The following RAB20 variants were observed in gnomAD, a reference collection of about 807,000 sequenced individuals.
The protein encoded by RAB20 is RAB20, member RAS oncogene family, also known as ras-related protein Rab-20.
A neutral mutation model predicts 3.7 loss-of-function variants in RAB20; 2 were observed. That is an observed-to-expected ratio of 0.54 (90% CI 0.22 to 1.69). The LOEUF is 1.69. RAB20 is among the 40% of genes most tolerant of loss of function. The pLI is 0.19. For missense variants in RAB20, 276 were observed against 311.9 expected (o/e 0.88, Z 0.87); for synonymous variants, 126 against 130.8 (o/e 0.96, Z 0.25).
At chr13:110,531,520 C>T (rs752962744) in intron 1 of RAB20, among the ~76,000 whole-genome samples, 6 of 152,242 alleles carry the variant, frequency 3.9e-5, no homozygotes, top group South Asian at 2.1e-4. Flanking sequence ...ACATGCGGTA[C>T]CTCAGTTTCC....
At chr13:110,527,900 T>TAAACACACACACAC (rs1398743171) in intron 1 of RAB20, among the ~76,000 whole-genome samples, 2 of 138,124 alleles carry the variant, frequency 1.4e-5, no homozygotes, top group African/African-American at 5.5e-5. Flanking sequence ...TCTCTACAAA[T>TAAACACACACACAC]ACACACACAC....
At position 110,524,149 on chromosome 13, in the gene RAB20, G is replaced by T. The variant is rs757028555; in HGVS notation, c.221C>A (p.Ala74Asp). 5.6e-6 allele frequency: 9 copies of T among 1,606,690 alleles called. No individual in the cohort carries two copies. Among genetic ancestry groups the T allele is most frequent in the Non-Finnish European group, 7.6e-6 (9 of 1,179,684 alleles). Residue 74 changes from alanine (A) to aspartate (D), a missense_variant, in exon 2 of 2, where the codon GCC becomes GAC. Ala to Asp is a moderately radical substitution (Grantham distance 126). Transcript: ENST00000267328. ...GLGSMYCRGA[A>D]AIILTYDVNH... ...CACATCATAGGTGAGGATGATGGCGGCCGCCCCCCGGCAGTACATGGAGCC... is the reference window on the plus strand; with the variant it reads ...CACATCATAGGTGAGGATGATGGCGTCCGCCCCCCGGCAGTACATGGAGCC...
intron 1 of RAB20, among the ~76,000 whole-genome samples, chr13:110,532,399 CAG>C (rs560339176): frequency 6.1e-4 from 93 of 152,290 alleles, no homozygotes; most frequent in African/African-American, 2.2e-3. Context: ...TTTCTTGAGA[CAG>C]AGTCTTGCTC....
At position 110,533,424 on chromosome 13, in the gene RAB20, T is replaced by G. The variant is rs575289103; in HGVS notation, c.173-9227A>C. Among the ~76,000 whole-genome samples the G allele has an allele frequency of 1.4e-4, 21 of 152,336 alleles. No homozygotes were observed. In the South Asian group the frequency reaches 4.1e-3, roughly 30 times the overall value. ...GAGGCCAGGCACAGTGGTTCATACC[T>G]GTAATCCTAGCACTTCAGAAGGCTG... is the stretch of plus-strand genomic sequence containing the variant. On this transcript the variant is annotated intron_variant, in intron 1 of 1. Transcript: ENST00000267328.
In RAB20 at chr13:110,523,811, C is replaced by T. The variant is rs1296443692; in HGVS notation, c.559G>A (p.Gly187Ser). Residue 187 changes from glycine (G) to serine (S), a missense_variant, in exon 2 of 2, where the codon GGC becomes AGC. Gly to Ser is a moderately conservative substitution (Grantham distance 56). Transcript: ENST00000267328. ...TCAAACAGGAGGTCCACATTGTAGC[C>T]GGTCTTGGCGCTGGTCTCAAAGCAC... The part of the protein sequence containing the change: ...QMCFETSAKT[G>S]YNVDLLFETL... The T allele has an allele frequency of 4.3e-6, 7 of 1,614,088 alleles. No homozygotes were observed. Among genetic ancestry groups the T allele is most frequent in the Admixed American group, 3.3e-5 (2 of 60,010 alleles).
At chr13:110,527,900 TACACACACACACACACACACAC>T (rs61582404) in intron 1 of RAB20, among the ~76,000 whole-genome samples, 5 of 138,124 alleles carry the variant, frequency 3.6e-5, no homozygotes, top group African/African-American at 1.4e-4. Context: ...TCTCTACAAA[TACACACACACACACACACACAC>T]ACACACACAC....
chr13:110,551,464 T>C (rs1884949038), intron 1 of RAB20, among the ~76,000 whole-genome samples: 1 of 152,044 alleles, frequency 6.6e-6, no homozygotes, highest in Non-Finnish European at 1.5e-5. Context: ...AGTGATAAGC[T>C]GGGGAGTGCT....
At chr13:110,541,047 C>A (rs1433310150) in intron 1 of RAB20, among the ~76,000 whole-genome samples, 1 of 152,214 alleles carries the variant, frequency 6.6e-6, no homozygotes, top group Non-Finnish European at 1.5e-5. Flanking sequence ...CTGCTGCCAG[C>A]CCGAGGACCT....
chr13:110,529,769 G>A (rs34219917), intron 1 of RAB20, among the ~76,000 whole-genome samples: 57,194 of 151,842 alleles, frequency 0.38, 11,389 homozygotes, highest in Non-Finnish European at 0.41. Context: ...AGACTCTCCC[G>A]CCTTTTTGCC....
intron 1 of RAB20, among the ~76,000 whole-genome samples, chr13:110,557,235 G>A (rs942346338): frequency 6.6e-6 from 1 of 152,204 alleles, no homozygotes; most frequent in Non-Finnish European, 1.5e-5. Context: ...CAGCTGTGAG[G>A]GAAGCATCAC....
At chr13:110,557,898 G>T (rs1594140975) in intron 1 of RAB20, among the ~76,000 whole-genome samples, 1 of 152,380 alleles carries the variant, frequency 6.6e-6, no homozygotes, top group African/African-American at 2.4e-5. Flanking sequence ...GGTCTGTGCT[G>T]GGCACACCAG....
At chr13:110,549,871 G>A (rs1016776191) in intron 1 of RAB20, among the ~76,000 whole-genome samples, 9 of 152,074 alleles carry the variant, frequency 5.9e-5, no homozygotes, top group African/African-American at 1.4e-4. Flanking sequence ...CTACAGGCAC[G>A]CGCCACCAAG....
At chr13:110,547,937 A>G (rs9555717) in intron 1 of RAB20, among the ~76,000 whole-genome samples, 123,671 of 152,170 alleles carry the variant, frequency 0.81, 51,910 homozygotes, top group South Asian at 0.94. Flanking sequence ...ACTTTAAAAT[A>G]TAGGTAAGCA....
intron 1 of RAB20, among the ~76,000 whole-genome samples, chr13:110,524,714 G>A (rs1336954253): frequency 1.3e-5 from 2 of 152,202 alleles, no homozygotes; most frequent in African/African-American, 4.8e-5. Context: ...AGGAAGTGCT[G>A]CGGGGAGGGC....
intron 1 of RAB20, among the ~76,000 whole-genome samples, chr13:110,536,827 C>T (rs1180573706): frequency 3.4e-5 from 5 of 146,574 alleles, no homozygotes; most frequent in Admixed American, 7.0e-5. Context: ...ATGTGCACAA[C>T]GTGCAGGTTT....
At chr13:110,541,816 C>CCACA (rs10624545) in intron 1 of RAB20, among the ~76,000 whole-genome samples, 6,070 of 149,374 alleles carry the variant, frequency 0.041, 330 homozygotes, top group African/African-American at 0.13. Context: ...GAGTGTCCAG[C>CCACA]CACACACACA....
chr13:110,546,567 C>T (rs60271907), intron 1 of RAB20, among the ~76,000 whole-genome samples: 2,184 of 152,244 alleles, frequency 0.014, 46 homozygotes, highest in African/African-American at 0.05. Flanking sequence ...ATGCACTCAG[C>T]GGCTCTGCAG....
chr13:110,536,729 T>G (rs1752496), intron 1 of RAB20, among the ~76,000 whole-genome samples: 7,300 of 11,502 alleles, frequency 0.63, 2,450 homozygotes, highest in East Asian at 0.66. Context: ...TTTGGGGCGG[T>G]GGGGGGGGGT....
Position 110,523,644 on chromosome 13 carries a change from A to G in RAB20, c.*21T>C, listed in dbSNP as rs1482394573. On this transcript the variant is annotated 3_prime_UTR_variant, in exon 2 of 2. Coordinates refer to ENST00000267328, the MANE Select transcript of RAB20 (RefSeq NM_017817.3). ...ACCCCTTCCCAACATGCACAGTCTGAGTCCAGGAGGCCCTCGAAAGTCAGG... is the reference window on the plus strand; with the variant it reads ...ACCCCTTCCCAACATGCACAGTCTGGGTCCAGGAGGCCCTCGAAAGTCAGG... The G allele has an allele frequency of 6.2e-7, 1 of 1,607,742 alleles. No homozygotes were observed. The highest frequency in any genetic ancestry group is 1.7e-5 in the Admixed American group (1 of 59,796).
Sources: allele counts gnomAD v4.1 joint callset (sites outside exome capture counted in the v4.1 genomes callset), GRCh38; gene constraint gnomAD v4.1.1; transcripts MANE v1.5; gene names NCBI Gene and HGNC (gene_info 2026-07-23, HGNC 2026-07-21).